The following PARD3B variants were observed in gnomAD, a reference collection of about 807,000 sequenced individuals.
PARD3B encodes partitioning defective 3 homolog B.
In PARD3B, 103 loss-of-function variants were observed where a neutral mutation model predicts 130.2. That is an observed-to-expected ratio of 0.79 (90% CI 0.67 to 0.93). PARD3B has a LOEUF of 0.93. Ranked by LOEUF, PARD3B falls within the 40% of genes least tolerant of loss-of-function variation. The probability of loss-of-function intolerance (pLI) is 0.00; values close to 1 mark genes in which losing one functional copy is unlikely to be tolerated. For missense variants in PARD3B, 1,609 were observed against 1,499.2 expected, an observed-to-expected ratio of 1.07 and a Z score of -1.21; for synonymous variants, 583 against 553.2, an observed-to-expected ratio of 1.05 and a Z score of -0.76.
chr2:205,471,252 AT>A (rs1320751678), intron 20 of PARD3B, among the ~76,000 whole-genome samples: 1 of 151,090 alleles, frequency 6.6e-6, no homozygotes, highest in African/African-American at 2.4e-5. Context: ...ACTTTTTCAT[AT>A]TGATATATCT....
intron 21 of PARD3B, among the ~76,000 whole-genome samples, chr2:205,544,104 T>G (rs1315518264): frequency 6.6e-6 from 1 of 152,090 alleles, no homozygotes; most frequent in East Asian, 1.9e-4. Flanking sequence ...ATGGAATACA[T>G]CCATGAAACA....
intron 19 of PARD3B, among the ~76,000 whole-genome samples, chr2:205,411,143 C>G (rs1001156544): frequency 6.6e-6 from 1 of 152,076 alleles, no homozygotes; most frequent in African/African-American, 2.4e-5. Context: ...GCATCTTTCT[C>G]AGCGTCCTAT....
chr2:204,950,787 G>A (rs1689703535), intron 2 of PARD3B, among the ~76,000 whole-genome samples: 1 of 152,212 alleles, frequency 6.6e-6, no homozygotes, highest in South Asian at 2.1e-4. Flanking sequence ...AGATTTGGGA[G>A]ATTGCAGAAG....
At chr2:205,354,008 CTTTT>C (rs2044087894) in intron 18 of PARD3B, among the ~76,000 whole-genome samples, 1 of 118,248 alleles carries the variant, frequency 8.5e-6, no homozygotes, top group African/African-American at 3.1e-5. Flanking sequence ...ATCCTTCTTT[CTTTT>C]TTCTTTTCTT....
chr2:205,559,596 C>CTTT (rs11319522), intron 22 of PARD3B, among the ~76,000 whole-genome samples: 1 of 72,852 alleles, frequency 1.4e-5, no homozygotes, highest in Non-Finnish European at 2.8e-5. Context: ...GAAGTCCAGA[C>CTTT]TTTTTTTTTT....
chr2:205,600,304 C>G lies in PARD3B; in HGVS notation c.3261-15152C>G, dbSNP rs1008669518. Among the ~76,000 whole-genome samples the G allele has an allele frequency of 5.9e-5, 9 of 152,220 alleles. No individual in the cohort carries two copies. The South Asian group carries it at 1.7e-3, about 28-fold the overall frequency. ...GAATCATGACATTCTCCAAAGAGAC[C>G]GTTGGAGGAGCAGCAGGTTTAGGGA... On this transcript the variant is annotated intron_variant, in intron 22 of 22. Coordinates refer to ENST00000406610, the MANE Select transcript of PARD3B (RefSeq NM_001302769.2).
chr2:205,072,552 G>A (rs988290994), intron 4 of PARD3B, among the ~76,000 whole-genome samples: 2 of 152,132 alleles, frequency 1.3e-5, no homozygotes, highest in African/African-American at 4.8e-5. Context: ...GCACCCAGCT[G>A]AGGATTAAAG....
intron 4 of PARD3B, among the ~76,000 whole-genome samples, chr2:205,079,135 T>A (rs1167718736): frequency 6.6e-6 from 1 of 152,244 alleles, no homozygotes; most frequent in Non-Finnish European, 1.5e-5. Flanking sequence ...GATGATTTGC[T>A]ATGCAGCAAT....
In PARD3B at chr2:205,077,725, G is replaced by GAT. The variant is rs142004646; in HGVS notation, c.505-26688_505-26687dup. Among the ~76,000 whole-genome samples the GAT allele has an allele frequency of 1.2e-3, 176 of 151,302 alleles. 1 individual carries two copies. Among genetic ancestry groups the GAT allele is most frequent in the African/African-American group, 3.8e-3 (155 of 41,272 alleles). On this transcript the variant is annotated intron_variant, in intron 4 of 22. Transcript: ENST00000406610. ...GAGATAACAGAATAGGGACGTCTGG[G>GAT]ATATATATATATATCCTTGGGGATT...
intron 21 of PARD3B, among the ~76,000 whole-genome samples, chr2:205,535,044 G>T (rs182397421): frequency 1.3e-5 from 2 of 152,130 alleles, no homozygotes; most frequent in African/African-American, 4.8e-5. Context: ...GAGTAAAATG[G>T]AGTTCTTTTT....
At chr2:205,227,674 T>TA (rs1429675092) in intron 15 of PARD3B, among the ~76,000 whole-genome samples, 1 of 152,170 alleles carries the variant, frequency 6.6e-6, no homozygotes, top group Non-Finnish European at 1.5e-5. Flanking sequence ...GTAGTCCACT[T>TA]ACAATCAATT....
rs2033715796 is a variant in PARD3B, at chr2:204,606,159, G to A, written c.120+60040G>A. Among the ~76,000 whole-genome samples the A allele has an allele frequency of 6.6e-6, 1 of 152,152 alleles. No homozygotes were observed. The highest frequency in any genetic ancestry group is 2.4e-5 in the African/African-American group (1 of 41,440). On this transcript the variant is annotated intron_variant, in intron 1 of 22. Coordinates refer to ENST00000406610, the MANE Select transcript of PARD3B (RefSeq NM_001302769.2). This position sits in a 1 kb window ranked among gnomAD's most constrained non-coding sequence, Gnocchi z 4.0. ...CCAACTCCGATATATGCTTCTTGAGGTCAATACCTGGATCAGATTTTTGTC... is the reference window on the plus strand; with the variant it reads ...CCAACTCCGATATATGCTTCTTGAGATCAATACCTGGATCAGATTTTTGTC...
intron 2 of PARD3B, among the ~76,000 whole-genome samples, chr2:204,834,281 G>C (rs1209627674): frequency 6.6e-6 from 1 of 152,114 alleles, no homozygotes; most frequent in Non-Finnish European, 1.5e-5. Context: ...GTTCCTTGCT[G>C]TACACATAGT....
chr2:205,589,150 T>C lies in PARD3B; in HGVS notation c.3261-26306T>C, dbSNP rs2054296758. Among the ~76,000 whole-genome samples, 2 of 152,186 alleles carry C rather than the reference T, an allele frequency of 1.3e-5. No individual in the cohort carries two copies. The highest frequency in any genetic ancestry group is 4.1e-4 in the South Asian group (2 of 4,824). On this transcript the variant is annotated intron_variant, in intron 22 of 22. Transcript: ENST00000406610. This position sits in a 1 kb window ranked among gnomAD's most constrained non-coding sequence, Gnocchi z 4.1. ...AAAAAATACAGATATTAACTGAGCA[T>C]ATTGGTGCATGTCTGTGGTCTCAGC... is the stretch of plus-strand genomic sequence containing the variant.
rs369479149 is a variant in PARD3B, at chr2:205,615,766, C to G, written c.3571C>G (p.Arg1191Gly). 1.2e-6 allele frequency: 2 copies of G among 1,613,970 alleles called. No homozygotes were observed. Among genetic ancestry groups the G allele is most frequent in the Non-Finnish European group, 8.5e-7 (1 of 1,179,950 alleles). ...GGGCAGCCCAGACCAGTACCCTTACCGAACCCAGGATTCCCGGCAGAAGAA... is the reference window on the plus strand; with the variant it reads ...GGGCAGCCCAGACCAGTACCCTTACGGAACCCAGGATTCCCGGCAGAAGAA... ...RGGSPDQYPY[R>G]TQDSRQKNPM... Residue 1191 changes from arginine to glycine, a missense_variant, in exon 23 of 23, where the codon CGA (arginine) becomes GGA (glycine). Transcript: ENST00000406610.
At chr2:205,442,021 T>A (rs2047732387) in intron 20 of PARD3B, among the ~76,000 whole-genome samples, 1 of 152,164 alleles carries the variant, frequency 6.6e-6, no homozygotes, top group Non-Finnish European at 1.5e-5. Context: ...GTATAAATAA[T>A]AACACCAGGC....
chr2:204,947,156 G>A (rs756762789), intron 2 of PARD3B, among the ~76,000 whole-genome samples: 40 of 152,118 alleles, frequency 2.6e-4, no homozygotes, highest in African/African-American at 8.5e-4. Context: ...AAATTAACGC[G>A]TAACATTAAC....
At chr2:205,386,899 C>G (rs989289938) in intron 18 of PARD3B, among the ~76,000 whole-genome samples, 2 of 152,026 alleles carry the variant, frequency 1.3e-5, no homozygotes, top group African/African-American at 4.8e-5. Flanking sequence ...GAAACTACCT[C>G]TTAATTTTTA....
At chr2:205,462,898 T>C (rs1330569056) in intron 20 of PARD3B, among the ~76,000 whole-genome samples, 2 of 152,190 alleles carry the variant, frequency 1.3e-5, no homozygotes, top group Non-Finnish European at 2.9e-5. Context: ...CAGTGGCTCA[T>C]GGGTCAAAGC....
Sources: gnomAD v4.1 joint callset for allele counts (sites outside exome capture counted in the v4.1 genomes callset) on GRCh38, gnomAD v4.1.1 for gene constraint, Gnocchi (gnomAD v3.1) non-coding constraint, MANE v1.5 for transcripts, NCBI Gene and HGNC (gene_info 2026-07-23, HGNC 2026-07-21) for gene names.